The following KLF17 variants were observed in gnomAD, a reference collection of about 807,000 sequenced individuals.
The protein encoded by KLF17 is Krueppel-like factor 17.
Under a neutral mutation model 34.2 loss-of-function variants are expected in KLF17, and 31 were observed. The ratio of observed to expected loss-of-function variants is 0.91; its 90% CI spans 0.68 to 1.22. The LOEUF (loss-of-function observed/expected upper bound fraction) is 1.22. Ranked by LOEUF, KLF17 falls within the 50% of genes most tolerant of loss-of-function variation. KLF17 has a pLI of 0.00. For synonymous variants in KLF17, 179 were observed against 186.7 expected (o/e 0.96, Z 0.34); for missense variants, 478 against 505.2 (o/e 0.95, Z 0.52).
intron 1 of KLF17, among the ~76,000 whole-genome samples, chr1:44,120,679 C>T (rs1481159982): frequency 1.3e-5 from 2 of 152,072 alleles, no homozygotes; most frequent in Non-Finnish European, 1.5e-5. Flanking sequence ...ACTTAATTTG[C>T]CATGAAGGAC....
At chr1:44,046,773 C>T in the KLF17 span, among the ~76,000 whole-genome samples, 1 of 152,122 alleles carries the variant, frequency 6.6e-6, no homozygotes, top group South Asian at 2.1e-4. Context: ...GTAATCCCAG[C>T]ACATTGGGAG....
At chr1:44,078,687 C>T in the KLF17 span, among the ~76,000 whole-genome samples, 17 of 152,250 alleles carry the variant, frequency 1.1e-4, no homozygotes, top group East Asian at 1.9e-3. Flanking sequence ...CTGCCCACCT[C>T]GGCCTCCCAA....
chr1:44,109,596 A>T, the KLF17 span, among the ~76,000 whole-genome samples: 1 of 152,124 alleles, frequency 6.6e-6, no homozygotes, highest in Non-Finnish European at 1.5e-5. Context: ...CTGGAATAGG[A>T]TTAGTTTGAT....
At chr1:44,048,650 G>A in the KLF17 span, among the ~76,000 whole-genome samples, 3 of 152,034 alleles carry the variant, frequency 2.0e-5, no homozygotes, top group African/African-American at 7.2e-5. Context: ...TGTTTGGATG[G>A]GATCTCCTAA....
the KLF17 span, among the ~76,000 whole-genome samples, chr1:44,080,508 G>C: frequency 6.6e-6 from 1 of 152,032 alleles, no homozygotes; most frequent in Non-Finnish European, 1.5e-5. Context: ...AAAGTGCTGG[G>C]ATTACAGGCG....
chr1:44,120,563 G>A (rs2087934468), intron 1 of KLF17, among the ~76,000 whole-genome samples: 2 of 152,206 alleles, frequency 1.3e-5, no homozygotes, highest in Admixed American at 6.5e-5. Context: ...TGGGATGGAA[G>A]TCATCAGTGG....
At chr1:44,086,097 G>A in the KLF17 span, among the ~76,000 whole-genome samples, 1 of 152,174 alleles carries the variant, frequency 6.6e-6, no homozygotes, top group African/African-American at 2.4e-5. Context: ...TGACAAGGGG[G>A]CACTGGGAAG....
At chr1:44,079,923 T>C in the KLF17 span, among the ~76,000 whole-genome samples, 5 of 151,212 alleles carry the variant, frequency 3.3e-5, no homozygotes, top group East Asian at 9.8e-4. Flanking sequence ...AATCCCTCCA[T>C]GTCTTTTTTT....
the KLF17 span, among the ~76,000 whole-genome samples, chr1:44,111,035 G>A: frequency 6.6e-6 from 1 of 152,092 alleles, no homozygotes; most frequent in Admixed American, 6.6e-5. Context: ...CACCCAGGTT[G>A]GAATGCAGTG....
the KLF17 span, among the ~76,000 whole-genome samples, chr1:44,112,841 G>A: frequency 2.6e-5 from 4 of 152,192 alleles, no homozygotes; most frequent in Non-Finnish European, 5.9e-5. Flanking sequence ...AGAGACTTAT[G>A]TTCATGTCTA....
chr1:44,080,451 T>G, the KLF17 span, among the ~76,000 whole-genome samples: 13,082 of 149,870 alleles, frequency 0.087, 668 homozygotes, highest in Middle Eastern at 0.2. Flanking sequence ...TGTTAGCCAG[T>G]ATGGTCTCCA....
At chr1:44,102,308 CAG>C in the KLF17 span, among the ~76,000 whole-genome samples, 1 of 151,974 alleles carries the variant, frequency 6.6e-6, no homozygotes. Flanking sequence ...CTGAGGTGGG[CAG>C]ATCACTTAAG....
chr1:44,049,804 A>G, the KLF17 span, among the ~76,000 whole-genome samples: 1 of 152,160 alleles, frequency 6.6e-6, no homozygotes, highest in African/African-American at 2.4e-5. Context: ...TTCAATCTAT[A>G]AGGTTTATCT....
At chr1:44,044,387 A>G in the KLF17 span, among the ~76,000 whole-genome samples, 1 of 152,178 alleles carries the variant, frequency 6.6e-6, no homozygotes, top group African/African-American at 2.4e-5. Flanking sequence ...TTTGTAGTTG[A>G]CACACAGATT....
the KLF17 span, among the ~76,000 whole-genome samples, chr1:44,106,187 C>T: frequency 6.6e-6 from 1 of 152,148 alleles, no homozygotes; most frequent in South Asian, 2.1e-4. Context: ...CATACTGGTT[C>T]TGAGCTCATA....
chr1:44,111,756 G>T, the KLF17 span, among the ~76,000 whole-genome samples: 8 of 152,140 alleles, frequency 5.3e-5, no homozygotes, highest in Admixed American at 3.3e-4. Context: ...AGCTGGGTGT[G>T]GTGGCACGCT....
the KLF17 span, among the ~76,000 whole-genome samples, chr1:44,110,849 T>C: frequency 6.6e-6 from 1 of 152,058 alleles, no homozygotes; most frequent in African/African-American, 2.4e-5. Flanking sequence ...TCAGCTGGCA[T>C]GGTGGCTCAC....
chr1:44,111,462 T>TA, the KLF17 span, among the ~76,000 whole-genome samples: 1 of 134,484 alleles, frequency 7.4e-6, no homozygotes, highest in Admixed American at 8.3e-5. Flanking sequence ...CTTTGCAACT[T>TA]GTTTTTTTTT....
At chr1:44,078,434 C>CTTTTT in the KLF17 span, among the ~76,000 whole-genome samples, 2 of 122,032 alleles carry the variant, frequency 1.6e-5, no homozygotes, top group Non-Finnish European at 1.8e-5. Flanking sequence ...GCTTTTCCTT[C>CTTTTT]TTCTTTTTTT....
Sources: gnomAD v4.1 joint callset for allele counts (sites outside exome capture counted in the v4.1 genomes callset) on GRCh38, gnomAD v4.1.1 for gene constraint, MANE v1.5 for transcripts, NCBI Gene and HGNC (gene_info 2026-07-23, HGNC 2026-07-21) for gene names.